BCAR1: variants seen among roughly 807,000 people sequenced by gnomAD.
The protein encoded by BCAR1 is BCAR1 scaffold protein, Cas family member.
BCAR1 carries 30 observed loss-of-function variants against 67.6 expected under a neutral mutation model. The observed-to-expected ratio is 0.44, with a 90% CI of 0.33 to 0.60. The LOEUF is 0.60. Ranked by LOEUF, BCAR1 falls within the 20% of genes least tolerant of loss-of-function variation. The pLI is 0.02. For missense variants in BCAR1, 1,313 were observed against 1,222.3 expected, an observed-to-expected ratio of 1.07 and a Z score of -1.11; for synonymous variants, 626 against 556.7, an observed-to-expected ratio of 1.12 and a Z score of -1.75.
At chr16:75,263,136 A>T in intron 1 of BCAR1, 1 of 919,284 alleles carries the variant, frequency 1.1e-6, no homozygotes. Context: ...GCCATCCCTC[A>T]ACGAAGGGGC....
rs1408199775 is a variant in BCAR1, at chr16:75,235,931, C to T, written c.968G>A (p.Arg323His). ...SKDVPDGPLL[R>H]EETYDVPPAF... Reference sequence around the variant, plus strand: ...GGGGGGCACATCGTAGGTCTCCTCACGCAGCAGTGGGCCATCGGGCACATC... The same window carrying T: ...GGGGGGCACATCGTAGGTCTCCTCATGCAGCAGTGGGCCATCGGGCACATC... The change falls in exon 5 of 7, where the codon CGT becomes CAT. Residue 323 changes from arginine to histidine, a missense_variant. Coordinates refer to ENST00000162330, the MANE Select transcript of BCAR1 (RefSeq NM_014567.5). The T allele has an allele frequency of 2.6e-5, 41 of 1,571,842 alleles. No homozygotes were observed. The highest frequency in any genetic ancestry group is 7.4e-5 in the Admixed American group (4 of 53,936).
rs146984571 is a variant in BCAR1, at chr16:75,242,757, G to C, written c.346C>G (p.Leu116Val). The part of the protein sequence containing the change: ...TYQPQPDSVY[L>V]VPTPSKAQQG... The stretch of plus-strand genomic sequence containing the variant: ...TGAGCCTTGCTGGGAGTGGGCACCA[G>C]GTAGACGCTGTCTGGCTGGGGCTGG... Residue 116 changes from leucine (L) to valine (V), a missense_variant, in exon 2 of 7, where the codon CTG becomes GTG. Transcript: ENST00000162330. 1.9e-6 allele frequency: 3 copies of C among 1,594,016 alleles called. No homozygotes were observed. The highest frequency in any genetic ancestry group is 2.6e-6 in the Non-Finnish European group (3 of 1,170,470).
At chr16:75,256,105 C>T (rs887702770), upstream of BCAR1, 1 of 152,454 alleles carries the variant, frequency 6.6e-6, no homozygotes, top group Admixed American at 6.5e-5. Context: ...AGTCATTCCT[C>T]ACTGCTGCCC....
In BCAR1 at chr16:75,234,951, C is replaced by A. The variant is rs748391002; in HGVS notation, c.1948G>T (p.Asp650Tyr). 3.3e-5 allele frequency: 53 copies of A among 1,584,820 alleles called. No homozygotes were observed. Among genetic ancestry groups the A allele is most frequent in the South Asian group, 2.1e-4 (18 of 87,674 alleles). The change falls in exon 5 of 7, where the codon GAT (aspartate) becomes TAT (tyrosine). Residue 650 changes from aspartate (D) to tyrosine (Y), a missense_variant. Around this residue, in one of 2 missense-constraint regions of BCAR1, gnomAD observed 1,272 missense variants for 1,137.5 expected, o/e 1.12. Coordinates refer to ENST00000162330, the MANE Select transcript of BCAR1 (RefSeq NM_014567.5). Reference sequence around the variant, plus strand: ...CCCTCGCTGTTCTCGTACTGCCCATCTGGCGAGTCCTGGGAGGTGAACTTA... The same window carrying A: ...CCCTCGCTGTTCTCGTACTGCCCATATGGCGAGTCCTGGGAGGTGAACTTA... ...PPKFTSQDSPDGQYENSEGGW... is the reference protein window; with the variant it reads ...PPKFTSQDSPYGQYENSEGGW...
At chr16:75,264,483 GA>G in intron 1 of BCAR1, 1 of 1,462,996 alleles carries the variant, frequency 6.8e-7, no homozygotes, top group Non-Finnish European at 9.0e-7. Flanking sequence ...CAGAAGAGAG[GA>G]AGGGCTTGGC....
Position 75,229,459 on chromosome 16 carries a change from G to A in BCAR1, c.*52C>T. On this transcript the variant is annotated 3_prime_UTR_variant, in exon 7 of 7. Coordinates refer to ENST00000162330, the MANE Select transcript of BCAR1 (RefSeq NM_014567.5). ...CAGCGACTCTTGACATGGGAGCCAG[G>A]GAGCTGGGACCGCCGCACCCCTCCC... 1 of 1,463,442 alleles carries A rather than the reference G, an allele frequency of 6.8e-7. No homozygotes were observed. Among genetic ancestry groups the A allele is most frequent in the Non-Finnish European group, 9.0e-7 (1 of 1,107,678 alleles). 90.7% of individuals were successfully genotyped at this position (1,463,442 alleles called of 1,614,324 possible).
intron 1 of BCAR1, among the ~76,000 whole-genome samples, chr16:75,256,745 G>A (rs1328641392): frequency 1.3e-5 from 2 of 152,026 alleles, no homozygotes; most frequent in African/African-American, 2.4e-5. Context: ...GGCAGCCCCA[G>A]GGTGCCGTTC....
intron 2 of BCAR1, 95 bp from the exon 3 acceptor site, chr16:75,237,439 C>G (rs549822248): frequency 7.4e-7 from 1 of 1,352,792 alleles, no homozygotes. Flanking sequence ...AGGAGGTGGG[C>G]AGGGCACACC....
intron 1 of BCAR1, among the ~76,000 whole-genome samples, chr16:75,245,415 G>C (rs1439985019): frequency 6.6e-6 from 1 of 152,208 alleles, no homozygotes; most frequent in Non-Finnish European, 1.5e-5. Context: ...CTCCTAGGAG[G>C]GTGGCCCAGG....
intron 6 of BCAR1, among the ~76,000 whole-genome samples, chr16:75,231,874 A>G (rs1407406272): frequency 6.6e-6 from 1 of 152,300 alleles, no homozygotes; most frequent in Admixed American, 6.5e-5. Context: ...TATATTGTTG[A>G]TATTTCAGGA....
intron 1 of BCAR1, chr16:75,263,745 C>CT: frequency 1.0e-6 from 1 of 985,954 alleles, no homozygotes; most frequent in Non-Finnish European, 1.2e-6. Context: ...GATGGGTGTG[C>CT]TTAAAACCCA....
rs144989936 is a variant in BCAR1 at position 75,235,679 on chromosome 16, C to T, written c.1220G>A (p.Ser407Asn). The change falls in exon 5 of 7, where the codon AGT (serine) becomes AAT (asparagine). Residue 407 changes from serine to asparagine, a missense_variant. Physicochemically the swap from Ser to Asn is conservative, Grantham distance 46. Coordinates refer to ENST00000162330, the MANE Select transcript of BCAR1 (RefSeq NM_014567.5). Reference sequence around the variant, plus strand: ...TGGGGGAGGCACCGCATACACACCACTGTCGACCACGCCACCATCAGCCAC... The same window carrying T: ...TGGGGGAGGCACCGCATACACACCATTGTCGACCACGCCACCATCAGCCAC... Reference protein sequence around the residue: ...PEVADGGVVDSGVYAVPPPAE... With the variant: ...PEVADGGVVDNGVYAVPPPAE... 715 of 1,611,682 alleles carry T rather than the reference C, an allele frequency of 4.4e-4. No individual in the cohort carries two copies. The highest frequency in any genetic ancestry group is 5.7e-4 in the Non-Finnish European group (677 of 1,178,984).
intron 1 of BCAR1, chr16:75,264,746 C>T (rs868312512): frequency 1.1e-6 from 1 of 943,306 alleles, no homozygotes; most frequent in Non-Finnish European, 1.4e-6. Flanking sequence ...GCCAGAAAGC[C>T]CCCACTGCCT....
intron 1 of BCAR1, among the ~76,000 whole-genome samples, chr16:75,259,500 C>T (rs540172968): frequency 5.4e-4 from 82 of 152,252 alleles, no homozygotes; most frequent in African/African-American, 1.9e-3. Flanking sequence ...TATCCATCCA[C>T]AAGGAATGGA....
chr16:75,231,424 C>T (rs911208091), intron 6 of BCAR1, among the ~76,000 whole-genome samples: 8 of 152,142 alleles, frequency 5.3e-5, no homozygotes, highest in Admixed American at 1.3e-4. Flanking sequence ...TATATAATAT[C>T]CCACTGCATA....
At chr16:75,232,893 G>C (rs543865402) in intron 6 of BCAR1, among the ~76,000 whole-genome samples, 11 of 152,348 alleles carry the variant, frequency 7.2e-5, no homozygotes, top group African/African-American at 2.6e-4. Flanking sequence ...AGGCGAGGGA[G>C]ATTTGACGGG....
intron 1 of BCAR1, chr16:75,265,763 G>A (rs1301399111): frequency 5.9e-6 from 7 of 1,195,892 alleles, no homozygotes; most frequent in African/African-American, 1.6e-5. Context: ...GCAGCGGGCG[G>A]GGCGAGGTCG....
In BCAR1 at chr16:75,229,863, T is replaced by C. The variant is rs757420974; in HGVS notation, c.2261A>G (p.Asn754Ser). 5 of 1,613,262 alleles carry C rather than the reference T, an allele frequency of 3.1e-6. No homozygotes were observed. In the Admixed American group the frequency reaches 6.7e-5, roughly 22 times the overall value. Residue 754 changes from asparagine (N) to serine (S), a missense_variant, in exon 7 of 7, where the codon AAC (asparagine) becomes AGC (serine). Physicochemically the swap from Asn to Ser is conservative, Grantham distance 46 (BLOSUM62 1). This residue lies in a region of BCAR1 where 1,272 missense variants were observed against 1,137.5 expected (regional missense o/e 1.12). Coordinates refer to ENST00000162330, the MANE Select transcript of BCAR1 (RefSeq NM_014567.5). ...LLFYLEQCEA[N>S]LTTLTNAVDA... ...CACGGCGTTGGTCAGTGTGGTCAGG[T>C]TGGCCTCACACTGCTCCAGGTAGAA...
upstream of BCAR1, among the ~76,000 whole-genome samples, chr16:75,253,973 T>C (rs1365008558): frequency 1.3e-5 from 2 of 151,538 alleles, no homozygotes; most frequent in Non-Finnish European, 1.5e-5. Flanking sequence ...AGCCCCAATT[T>C]TTTTTTTTTT....
Sources: allele counts gnomAD v4.1 joint callset (sites outside exome capture counted in the v4.1 genomes callset), GRCh38; gene constraint gnomAD v4.1.1; regional missense constraint gnomAD v4.1.1; transcripts MANE v1.5; gene names NCBI Gene and HGNC (gene_info 2026-07-23, HGNC 2026-07-21).